Variants in STRN observed in about 807,000 individuals in gnomAD.
The protein encoded by STRN is protein phosphatase 2 regulatory subunit B'''alpha.
Under a neutral mutation model 96.3 loss-of-function variants are expected in STRN, and 53 were observed. That is an observed-to-expected ratio of 0.55 (90% CI 0.44 to 0.69). STRN has a LOEUF of 0.69. STRN is among the 30% of genes least tolerant of loss of function. STRN has a pLI of 0.00. For missense variants in STRN, 987 were observed against 963.9 expected (o/e 1.02, Z -0.32); for synonymous variants, 428 against 355.9 (o/e 1.20, Z -2.28).
In STRN at chr2:36,844,486, T is replaced by G. The variant is rs1043602210; in HGVS notation, c.*4970A>C. The G allele has an allele frequency of 6.6e-6, 1 of 152,110 alleles. No individual in the cohort carries two copies. The allele number at this position is 152,110 out of a possible 1,614,324, so 9.4% of individuals were successfully genotyped here. ...GCCTGTTAAAAACCCAGGCAGACAT[T>G]AGAATCTAAATTAAAATGATTTTGA... is the stretch of plus-strand genomic sequence containing the variant. On this transcript the variant is annotated 3_prime_UTR_variant, in exon 18 of 18. Transcript: ENST00000263918.
chr2:36,855,907 CTTAT>C (rs1464764292), intron 14 of STRN, among the ~76,000 whole-genome samples: 1 of 151,912 alleles, frequency 6.6e-6, no homozygotes. Flanking sequence ...AAACTTAGAG[CTTAT>C]TTATAAACAT....
At position 36,884,861 on chromosome 2, in the gene STRN, CT is replaced by C. The variant is rs1339774588; in HGVS notation, c.1043-787del. Among the ~76,000 whole-genome samples, 12 of 152,024 alleles carry C rather than the reference CT, an allele frequency of 7.9e-5. 1 individual carries two copies. The South Asian group carries it at 2.3e-3, about 29-fold the overall frequency. On this transcript the variant is annotated intron_variant, in intron 8 of 17. Transcript: ENST00000263918. ...ATTTATGGTGGTTTATAACTCAATG[CT>C]TTATATATCAATTCAAAGCATGGCT...
At chr2:36,929,059 G>A (rs1670499103) in intron 1 of STRN, among the ~76,000 whole-genome samples, 1 of 151,840 alleles carries the variant, frequency 6.6e-6, no homozygotes, top group Admixed American at 6.6e-5. Flanking sequence ...TTCTGGAGAA[G>A]AAAACTTTGG....
At chr2:36,853,938 T>G (rs903789362) in intron 15 of STRN, among the ~76,000 whole-genome samples, 1 of 152,206 alleles carries the variant, frequency 6.6e-6, no homozygotes, top group African/African-American at 2.4e-5. Context: ...AATGTTGCCT[T>G]TGTTAAAAAC....
intron 3 of STRN, among the ~76,000 whole-genome samples, chr2:36,908,480 C>CA (rs1400339505): frequency 6.6e-6 from 1 of 152,036 alleles, no homozygotes; most frequent in East Asian, 1.9e-4. Context: ...CTAGAAAAGG[C>CA]AAAACTACAG....
intron 1 of STRN, among the ~76,000 whole-genome samples, chr2:36,957,742 GTCTTTTTTT>G (rs1664925954): frequency 9.7e-5 from 10 of 103,132 alleles, no homozygotes; most frequent in Non-Finnish European, 1.4e-4. Flanking sequence ...TCTTCTTTTT[GTCTTTTTTT>G]TTTTTTTTTT....
chr2:36,917,538 G>GAAAAAAAAAAAAAAAAAAAA (rs576754026), intron 2 of STRN, among the ~76,000 whole-genome samples: 2 of 88,548 alleles, frequency 2.3e-5, no homozygotes, highest in African/African-American at 3.4e-5. Context: ...ACAAAAAAAA[G>GAAAAAAAAAAAAAAAAAAAA]AAAAAAAAAA....
At position 36,839,239 on chromosome 2, in the gene STRN, T is replaced by C. The variant is rs1477627457; in HGVS notation, c.*10217A>G. Reference sequence around the variant, plus strand: ...CAAATCATCCCCCTTCCCTGCTCTATTTTTTTTCCCTCTGCACTTATCACT... The same window carrying C: ...CAAATCATCCCCCTTCCCTGCTCTACTTTTTTTCCCTCTGCACTTATCACT... On this transcript the variant is annotated 3_prime_UTR_variant, in exon 18 of 18. Coordinates refer to ENST00000263918, the MANE Select transcript of STRN (RefSeq NM_003162.4). Among the ~76,000 whole-genome samples the C allele has an allele frequency of 1.3e-5, 2 of 151,950 alleles. No individual in the cohort carries two copies.
intron 8 of STRN, among the ~76,000 whole-genome samples, chr2:36,884,880 G>A (rs1669179698): frequency 6.6e-6 from 1 of 151,922 alleles, no homozygotes; most frequent in Non-Finnish European, 1.5e-5. Flanking sequence ...TCAATTCAAA[G>A]CATGGCTTCA....
At chr2:36,917,181 T>C (rs1278803826) in intron 2 of STRN, among the ~76,000 whole-genome samples, 3 of 152,012 alleles carry the variant, frequency 2.0e-5, no homozygotes, top group Non-Finnish European at 4.4e-5. Context: ...TTTTTTTTCT[T>C]TATAAAAACC....
At position 36,893,312 on chromosome 2, in the gene STRN, G is replaced by A. The variant is rs561768064; in HGVS notation, c.931+586C>T. Among the ~76,000 whole-genome samples, 32 of 151,930 alleles carry A rather than the reference G, an allele frequency of 2.1e-4. 3 individuals carry two copies. In the South Asian group the frequency reaches 6.0e-3, roughly 29 times the overall value. On this transcript the variant is annotated intron_variant, in intron 7 of 17. Transcript: ENST00000263918. The stretch of plus-strand genomic sequence containing the variant: ...TCAATAGCAAAAAAAACCCCTAAGC[G>A]TACTTTTAACGATTTATGCACAACA...
chr2:36,899,238 T>C (rs887014793), intron 6 of STRN, among the ~76,000 whole-genome samples: 5 of 152,204 alleles, frequency 3.3e-5, no homozygotes, highest in African/African-American at 9.6e-5. Flanking sequence ...TAACCCTGCA[T>C]TGTTATAACA....
At position 36,869,548 on chromosome 2, in the gene STRN, TCTCA is replaced by T; in HGVS notation, c.1499+2_1499+5del. 1 of 1,519,442 alleles carries T rather than the reference TCTCA, an allele frequency of 6.6e-7. No homozygotes were observed. The highest frequency in any genetic ancestry group is 8.9e-7 in the Non-Finnish European group (1 of 1,129,128). 94.1% of individuals were successfully genotyped at this position (1,519,442 alleles called of 1,614,324 possible). A position where few individuals can be genotyped will look rare whatever the true frequency, so the allele number is the denominator to read the frequency against. On this transcript the variant is annotated splice_donor_variant and splice_donor_5th_base_variant and intron_variant, in intron 11 of 17. Coordinates refer to ENST00000263918, the MANE Select transcript of STRN (RefSeq NM_003162.4). LOFTEE classifies it high-confidence loss of function. ...TTCAAATAATGTTAAAGTAGAATAT[TCTCA>T]CTTTTTGGCTGGGGCTGTTTTCTGT...
rs950936001 is a variant in STRN at position 36,966,271 on chromosome 2, C to T, written c.193G>A (p.Val65Met). Residue 65 changes from valine to methionine, a missense_variant, in exon 1 of 18, where the codon GTG becomes ATG. Transcript: ENST00000263918. Reference sequence around the variant, plus strand: ...TCCACCTCCCACTGGGCTCTCTCCACCTCGAAGCGGGCCCACTCGTGCTGC... The same window carrying T: ...TCCACCTCCCACTGGGCTCTCTCCATCTCGAAGCGGGCCCACTCGTGCTGC... Reference protein sequence around the residue: ...FLQHEWARFEVERAQWEVERA... With the variant: ...FLQHEWARFEMERAQWEVERA... 3 of 1,588,094 alleles carry T rather than the reference C, an allele frequency of 1.9e-6. No homozygotes were observed. Among genetic ancestry groups the T allele is most frequent in the African/African-American group, 2.7e-5 (2 of 72,748 alleles).
intron 8 of STRN, among the ~76,000 whole-genome samples, chr2:36,884,560 CTG>C (rs1394674725): frequency 2.0e-5 from 3 of 152,160 alleles, no homozygotes; most frequent in Non-Finnish European, 4.4e-5. Context: ...CCTGTTTTGA[CTG>C]TTTTATATAG....
chr2:36,939,011 G>T (rs1670775303), intron 1 of STRN, among the ~76,000 whole-genome samples: 2 of 151,644 alleles, frequency 1.3e-5, no homozygotes, highest in South Asian at 4.2e-4. Flanking sequence ...TTTTGAGACT[G>T]AGTCTTGCTC....
At chr2:36,943,781 A>G (rs866816617) in intron 1 of STRN, among the ~76,000 whole-genome samples, 37 of 149,934 alleles carry the variant, frequency 2.5e-4, no homozygotes, top group Middle Eastern at 7.6e-3. Context: ...TCCAGCATGG[A>G]CGACAGAACG....
intron 1 of STRN, among the ~76,000 whole-genome samples, chr2:36,948,609 C>A (rs1664668378): frequency 6.6e-6 from 1 of 152,180 alleles, no homozygotes; most frequent in Non-Finnish European, 1.5e-5. Flanking sequence ...GAGAGATTGT[C>A]TGTGCTGTTG....
At chr2:36,919,439 A>T (rs926057976) in intron 2 of STRN, among the ~76,000 whole-genome samples, 2 of 152,110 alleles carry the variant, frequency 1.3e-5, no homozygotes, top group Non-Finnish European at 2.9e-5. Flanking sequence ...AAATGGATTG[A>T]TGGAGAGGGC....
Sources: gnomAD v4.1 joint callset for allele counts (sites outside exome capture counted in the v4.1 genomes callset) on GRCh38, gnomAD v4.1.1 for gene constraint, MANE v1.5 for transcripts, NCBI Gene and HGNC (gene_info 2026-07-23, HGNC 2026-07-21) for gene names.